Variants in GFOD1 observed in about 807,000 individuals in gnomAD.
GFOD1 encodes glucose-fructose oxidoreductase domain-containing protein 1.
In GFOD1, 9 loss-of-function variants were observed where a neutral mutation model predicts 25.4. The ratio of observed to expected loss-of-function variants is 0.35; its 90% confidence interval spans 0.21 to 0.62. GFOD1 has a LOEUF of 0.62. Ranked by LOEUF, GFOD1 falls within the 20% of genes least tolerant of loss-of-function variation. The probability of loss-of-function intolerance (pLI) is 0.72; values close to 1 mark genes in which losing one functional copy is unlikely to be tolerated. For synonymous variants in GFOD1, 253 were observed against 245.6 expected, an observed-to-expected ratio of 1.03 and a Z score of -0.28; for missense variants, 403 against 556.9, an observed-to-expected ratio of 0.72 and a Z score of 2.78.
intron 1 of GFOD1, among the ~76,000 whole-genome samples, chr6:13,441,822 A>T (rs1757920752): frequency 6.6e-6 from 1 of 152,266 alleles, no homozygotes; most frequent in African/African-American, 2.4e-5. Context: ...TACATATTTA[A>T]GAAAGATTAA....
At chr6:13,396,056 G>T (rs1785722629) in intron 1 of GFOD1, among the ~76,000 whole-genome samples, 1 of 152,192 alleles carries the variant, frequency 6.6e-6, no homozygotes, top group Non-Finnish European at 1.5e-5. Context: ...CCTGGGGAAC[G>T]CATTTACATG....
chr6:13,428,506 GTGCGA>G (rs56013716), intron 1 of GFOD1, among the ~76,000 whole-genome samples: 88,985 of 141,748 alleles, frequency 0.63, 30,219 homozygotes, highest in Non-Finnish European at 0.75. Context: ...CAGGCCCCCA[GTGCGA>G]TGCGATGCGC....
chr6:13,412,770 T>G (rs1407243436), intron 1 of GFOD1, among the ~76,000 whole-genome samples: 3 of 152,246 alleles, frequency 2.0e-5, no homozygotes, highest in African/African-American at 7.2e-5. Context: ...CCCTGTGCTC[T>G]GAGCACTTCC....
At chr6:13,423,388 C>T (rs977721701) in intron 1 of GFOD1, among the ~76,000 whole-genome samples, 1 of 152,184 alleles carries the variant, frequency 6.6e-6, no homozygotes, top group Non-Finnish European at 1.5e-5. Flanking sequence ...ATACCTGACA[C>T]ACAGGAAGCA....
chr6:13,456,907 G>A (rs1460671170), intron 1 of GFOD1, among the ~76,000 whole-genome samples: 1 of 152,178 alleles, frequency 6.6e-6, no homozygotes, highest in African/African-American at 2.4e-5. Context: ...ACAGACTGTG[G>A]TGCCCTGCAG....
chr6:13,413,918 A>T (rs1786121362), intron 1 of GFOD1, among the ~76,000 whole-genome samples: 1 of 152,236 alleles, frequency 6.6e-6, no homozygotes, highest in East Asian at 1.9e-4. Flanking sequence ...CCTGATATAA[A>T]GAGGCCAATA....
chr6:13,395,262 G>A (rs992451887), intron 1 of GFOD1, among the ~76,000 whole-genome samples: 3 of 152,200 alleles, frequency 2.0e-5, no homozygotes, highest in African/African-American at 7.2e-5. Context: ...GGGGGCTAAG[G>A]TTTCAGGAGG....
chr6:13,360,963 T>C lies in GFOD1; in HGVS notation c.*3780A>G. On this transcript the variant is annotated 3_prime_UTR_variant, in exon 2 of 2. Coordinates refer to ENST00000379287, the MANE Select transcript of GFOD1 (RefSeq NM_018988.4). ...TAACAGTTGTGTGACTTTGAACAAG[T>C]TCCTCTTCCTCTTACTGCCTCCATT... 2.4e-6 allele frequency: 1 copy of C among 414,820 alleles called. No individual in the cohort carries two copies. The highest frequency in any genetic ancestry group is 1.7e-5 in the South Asian group (1 of 57,730). 25.7% of individuals were successfully genotyped at this position (414,820 alleles called of 1,614,324 possible).
At chr6:13,414,830 AT>A (rs1206377826) in intron 1 of GFOD1, among the ~76,000 whole-genome samples, 6 of 152,220 alleles carry the variant, frequency 3.9e-5, no homozygotes, top group African/African-American at 1.2e-4. Flanking sequence ...GTTAAATTAG[AT>A]TTTCTTGGGT....
chr6:13,366,272 C>T (rs1277129281), intron 1 of GFOD1, among the ~76,000 whole-genome samples: 9 of 152,076 alleles, frequency 5.9e-5, no homozygotes, highest in Non-Finnish European at 1.3e-4. Flanking sequence ...CCTCAAATCT[C>T]TGGGCTCAAG....
At position 13,358,473 on chromosome 6, in the gene GFOD1, T is replaced by C. The variant is rs2439566; in HGVS notation, c.*6270A>G. ...AAAGCACCAGGCAGCAGACAGAAAG[T>C]CACATTTGCTAGAAACTTCTCCCTC... On this transcript the variant is annotated 3_prime_UTR_variant, in exon 2 of 2. Coordinates refer to ENST00000379287, the MANE Select transcript of GFOD1 (RefSeq NM_018988.4). The C allele has an allele frequency of 0.98, 149,379 of 152,310 alleles. 73,268 individuals carry two copies. Among genetic ancestry groups the C allele is most frequent in the Middle Eastern group, 1 (294 of 294 alleles). 9.4% of individuals were successfully genotyped at this position (152,310 alleles called of 1,614,324 possible).
At chr6:13,447,740 CAAAAAAAA>C (rs34431944) in intron 1 of GFOD1, among the ~76,000 whole-genome samples, 595 of 31,786 alleles carry the variant, frequency 0.019, no homozygotes, top group Middle Eastern at 0.094. Context: ...GACTCCTTCT[CAAAAAAAA>C]AAAAAAAAAA....
At chr6:13,386,175 C>T (rs1785470405) in intron 1 of GFOD1, among the ~76,000 whole-genome samples, 1 of 137,022 alleles carries the variant, frequency 7.3e-6, no homozygotes, top group Non-Finnish European at 1.6e-5. Flanking sequence ...GATTCTCCTG[C>T]CTCCGCTTCC....
At chr6:13,458,756 G>GAAAAA (rs1758236779) in intron 1 of GFOD1, among the ~76,000 whole-genome samples, 6 of 5,576 alleles carry the variant, frequency 1.1e-3, no homozygotes, top group East Asian at 7.6e-3. Flanking sequence ...TTCCCCTTGA[G>GAAAAA]CAAAAAAAAA....
rs566680136 is a variant in GFOD1 at position 13,366,232 on chromosome 6, T to C, written c.254-570A>G. On this transcript the variant is annotated intron_variant, in intron 1 of 1. Transcript: ENST00000379287. ...GAATCTCACTGTTCCCCAGGCTGCA[T>C]TGCAGTGGTGCGATCATAGCTAACT... Among the ~76,000 whole-genome samples the C allele has an allele frequency of 1.9e-3, 283 of 152,308 alleles. 2 individuals carry two copies. The highest frequency in any genetic ancestry group is 3.2e-3 in the Non-Finnish European group (219 of 68,022).
rs1784916439 is a variant in GFOD1 at position 13,359,615 on chromosome 6, TTC to T, written c.*5126_*5127del. On this transcript the variant is annotated 3_prime_UTR_variant, in exon 2 of 2. Transcript: ENST00000379287. ...AATGGGACATTTTAAACAGCTCGTT[TTC>T]TGAGTACATTCAAGACATAATTGAA... is the stretch of plus-strand genomic sequence containing the variant. 1 of 152,198 alleles carries T rather than the reference TTC, an allele frequency of 6.6e-6. No homozygotes were observed. The highest frequency in any genetic ancestry group is 2.4e-5 in the African/African-American group (1 of 41,440). 9.4% of individuals were successfully genotyped at this position (152,198 alleles called of 1,614,324 possible). A position where few individuals can be genotyped will look rare whatever the true frequency, so the allele number is the denominator to read the frequency against.
chr6:13,437,940 G>T (rs544394533), intron 1 of GFOD1, among the ~76,000 whole-genome samples: 22 of 152,042 alleles, frequency 1.4e-4, no homozygotes, highest in Middle Eastern at 3.2e-3. Context: ...AATGGGTAAA[G>T]GAGGAAGGAA....
rs376645757 is a variant in GFOD1, at chr6:13,470,673, A to G, written c.253+15965T>C. The G allele has an allele frequency of 3.7e-4, 531 of 1,438,848 alleles. 2 individuals are homozygous for G. The African/African-American group carries it at 6.3e-3, about 17-fold the overall frequency. The allele number at this position is 1,438,848 out of a possible 1,614,324, so 89.1% of individuals were successfully genotyped here. A position where few individuals can be genotyped will look rare whatever the true frequency, so the allele number is the denominator to read the frequency against. On this transcript the variant is annotated intron_variant, in intron 1 of 1. Coordinates refer to ENST00000379287, the MANE Select transcript of GFOD1 (RefSeq NM_018988.4). ...GAGACAGAGAAGAGGAACACATCTC[A>G]TTTTCTACCACCCACTTTTGATTAT...
chr6:13,477,214 GGGGTGTGTGTGTGTGTGTGTGT>G (rs1461273330), intron 1 of GFOD1, among the ~76,000 whole-genome samples: 1 of 7,646 alleles, frequency 1.3e-4, no homozygotes, highest in Non-Finnish European at 3.9e-4. Context: ...GAACCAATAG[GGGGTGTGTGTGTGTGTGTGTGT>G]GTGTGTGTGT....
Sources: allele counts gnomAD v4.1 joint callset (sites outside exome capture counted in the v4.1 genomes callset), GRCh38; gene constraint gnomAD v4.1.1; transcripts MANE v1.5; gene names NCBI Gene and HGNC (gene_info 2026-07-23, HGNC 2026-07-21).